The following PARP11 variants were observed in gnomAD, a reference collection of about 807,000 sequenced individuals.
The protein encoded by PARP11 is poly(ADP-ribose) polymerase family member 11.
In PARP11, 31 loss-of-function variants were observed where a neutral mutation model predicts 42.9. That is an observed-to-expected ratio of 0.72 (90% CI 0.54 to 0.98). The LOEUF (loss-of-function observed/expected upper bound fraction) is 0.98, where lower values mean the gene tolerates loss of function less well. PARP11 is among the 50% of genes least tolerant of loss of function. The probability of loss-of-function intolerance (pLI) is 0.00; values close to 1 mark genes in which losing one functional copy is unlikely to be tolerated. For missense variants in PARP11, 365 were observed against 413.1 expected, an observed-to-expected ratio of 0.88 and a Z score of 1.01; for synonymous variants, 137 against 127.3, an observed-to-expected ratio of 1.08 and a Z score of -0.51.
intron 1 of PARP11, among the ~76,000 whole-genome samples, chr12:3,870,923 T>C (rs191479448): frequency 1.3e-5 from 2 of 152,254 alleles, no homozygotes; most frequent in Admixed American, 1.3e-4. Flanking sequence ...ATTCTCATTA[T>C]TCTAAATTAT....
rs141888948 is a variant in PARP11 at position 3,833,052 on chromosome 12, T to C, written c.19-3034A>G. 4.4e-3 allele frequency among the ~76,000 whole-genome samples: 671 copies of C among 152,358 alleles called. 13 individuals carry two copies. Among genetic ancestry groups the C allele is most frequent in the African/African-American group, 0.015 (623 of 41,578 alleles). ...TGAGTTTAAAGTCAAAATCCTGGTC[T>C]ATATAAGGAAAATAAGGCTGCCTTC... On this transcript the variant is annotated intron_variant, in intron 1 of 7. Transcript: ENST00000228820.
chr12:3,847,227 T>C (rs962739644), intron 1 of PARP11, among the ~76,000 whole-genome samples: 1 of 152,220 alleles, frequency 6.6e-6, no homozygotes, highest in Non-Finnish European at 1.5e-5. Flanking sequence ...GCTTCACTGC[T>C]GAATTCTACC....
chr12:3,844,056 G>A (rs1947948147), intron 1 of PARP11, among the ~76,000 whole-genome samples: 2 of 152,212 alleles, frequency 1.3e-5, no homozygotes, highest in African/African-American at 2.4e-5. Flanking sequence ...CTATGGGAAT[G>A]TTTGGATGCC....
chr12:3,872,624 T>C, intron 1 of PARP11: 1 of 985,338 alleles, frequency 1.0e-6, no homozygotes, highest in Non-Finnish European at 1.2e-6. Flanking sequence ...TTTAAACGAC[T>C]GTCCACCAAG....
In PARP11 at chr12:3,812,047, G is replaced by T; in HGVS notation, c.*76C>A. 4 of 1,053,340 alleles carry T rather than the reference G, an allele frequency of 3.8e-6. No homozygotes were observed. Among genetic ancestry groups the T allele is most frequent in the South Asian group, 1.6e-5 (1 of 62,174 alleles). 65.2% of individuals were successfully genotyped at this position (1,053,340 alleles called of 1,614,324 possible). ...AAGTATCAGATAATTAACATTTAGT[G>T]GCTAGATGACTGAAGAGCAAACCTT... On this transcript the variant is annotated 3_prime_UTR_variant, in exon 8 of 8. Coordinates refer to ENST00000228820, the MANE Select transcript of PARP11 (RefSeq NM_020367.6).
intron 1 of PARP11, among the ~76,000 whole-genome samples, chr12:3,869,520 T>C (rs1474689158): frequency 6.6e-6 from 1 of 152,182 alleles, no homozygotes; most frequent in Admixed American, 6.5e-5. Context: ...TTCTCTCTTT[T>C]TCTCAAGCAC....
chr12:3,826,342 G>T, intron 3 of PARP11, 109 bp from the exon 4 acceptor site: 1 of 705,912 alleles, frequency 1.4e-6, no homozygotes, highest in Non-Finnish European at 2.2e-6. Flanking sequence ...ATGGAGCTTC[G>T]GGAGTAGCTG....
intron 1 of PARP11, chr12:3,842,381 A>G (rs532796872): frequency 1.2e-6 from 2 of 1,612,028 alleles, no homozygotes; most frequent in African/African-American, 2.7e-5. Flanking sequence ...GTGAGAAGTG[A>G]GGAGTCCTGG....
At chr12:3,820,512 C>T (rs1231757835) in intron 6 of PARP11, among the ~76,000 whole-genome samples, 1 of 152,096 alleles carries the variant, frequency 6.6e-6, no homozygotes, top group Non-Finnish European at 1.5e-5. Context: ...TAAAACTGTT[C>T]CCATTGGAAT....
intron 6 of PARP11, among the ~76,000 whole-genome samples, chr12:3,816,225 G>A (rs1947285453): frequency 6.6e-6 from 1 of 152,020 alleles, no homozygotes; most frequent in African/African-American, 2.4e-5. Flanking sequence ...GATAATACTT[G>A]TTTTTACCCA....
At chr12:3,819,449 G>C (rs900311670) in intron 6 of PARP11, among the ~76,000 whole-genome samples, 6 of 152,088 alleles carry the variant, frequency 3.9e-5, no homozygotes, top group African/African-American at 1.4e-4. Context: ...AGGATGTTTA[G>C]CATCCTGGCT....
intron 1 of PARP11, among the ~76,000 whole-genome samples, chr12:3,846,994 C>T (rs10848944): frequency 0.15 from 23,397 of 151,142 alleles, 2,356 homozygotes; most frequent in East Asian, 0.5. Context: ...GGAGTATCAC[C>T]TGAGCTCTGG....
Position 3,829,968 on chromosome 12 carries a change from T to C in PARP11, c.69A>G (p.Glu23=), listed in dbSNP as rs1565537100. The C allele has an allele frequency of 6.2e-7, 1 of 1,613,764 alleles. No homozygotes were observed. The highest frequency in any genetic ancestry group is 1.7e-5 in the Admixed American group (1 of 60,026). The change falls in exon 2 of 8, where the codon GAA becomes GAG. Residue 23 remains glutamate (E), a synonymous_variant. Coordinates refer to ENST00000228820, the MANE Select transcript of PARP11 (RefSeq NM_020367.6). ...EELFSKTTNN[E]VDDMDTSDTQ... ...TATCTGACGTGTCCATGTCATCCAC[T>C]TCATTGTTTGTTGTTTTAGAAAATA...
At position 3,861,060 on chromosome 12, in the gene PARP11, G is replaced by A. The variant is rs1948285200; in HGVS notation, c.18+12152C>T. On this transcript the variant is annotated intron_variant, in intron 1 of 7. Transcript: ENST00000228820. The surrounding 1 kb of genome is among the most constrained non-coding windows in gnomAD (Gnocchi z 4.6). ...TTTGCCTCAGGATGAATCATACCTTGGGCTCAACTGCATCTGATTTAGATA... is the reference window on the plus strand; with the variant it reads ...TTTGCCTCAGGATGAATCATACCTTAGGCTCAACTGCATCTGATTTAGATA... 6.6e-6 allele frequency among the ~76,000 whole-genome samples: 1 copy of A among 152,144 alleles called. No homozygotes were observed. Among genetic ancestry groups the A allele is most frequent in the African/African-American group, 2.4e-5 (1 of 41,422 alleles).
chr12:3,848,609 A>C (rs1191436386), intron 1 of PARP11, among the ~76,000 whole-genome samples: 1 of 152,264 alleles, frequency 6.6e-6, no homozygotes, highest in South Asian at 2.1e-4. Flanking sequence ...TCTAATTCGC[A>C]GAAGAATAAA....
intron 6 of PARP11, among the ~76,000 whole-genome samples, chr12:3,818,237 T>C (rs1472671238): frequency 1.3e-5 from 2 of 152,060 alleles, no homozygotes; most frequent in Admixed American, 6.6e-5. Context: ...TCTTTCCCTC[T>C]TATCAACACC....
At chr12:3,823,504 C>T (rs980728698) in intron 4 of PARP11, among the ~76,000 whole-genome samples, 1 of 149,014 alleles carries the variant, frequency 6.7e-6, no homozygotes, top group African/African-American at 2.5e-5. Flanking sequence ...GCACATAGTA[C>T]ACACTCAGTA....
chr12:3,841,978 CG>C, intron 1 of PARP11: 1 of 1,610,466 alleles, frequency 6.2e-7, no homozygotes, highest in Non-Finnish European at 8.5e-7. Flanking sequence ...AGACGAAGGC[CG>C]GACAGAGCAA....
intron 7 of PARP11, among the ~76,000 whole-genome samples, chr12:3,813,243 A>G (rs1429172589): frequency 6.6e-6 from 1 of 152,258 alleles, no homozygotes; most frequent in African/African-American, 2.4e-5. Context: ...TTTAAACCCC[A>G]AGAAACCGTA....
Sources: gnomAD v4.1 joint callset for allele counts (sites outside exome capture counted in the v4.1 genomes callset) on GRCh38, gnomAD v4.1.1 for gene constraint, Gnocchi (gnomAD v3.1) non-coding constraint, MANE v1.5 for transcripts, NCBI Gene and HGNC (gene_info 2026-07-23, HGNC 2026-07-21) for gene names.